NKAIN2: variants seen among roughly 807,000 people sequenced by gnomAD.
NKAIN2 encodes the protein sodium/potassium transporting ATPase interacting 2.
Under a neutral mutation model 32.6 loss-of-function variants are expected in NKAIN2, and 14 were observed. The observed-to-expected ratio is 0.43, with a 90% confidence interval of 0.28 to 0.67. The LOEUF (loss-of-function observed/expected upper bound fraction) is 0.67, where lower values mean the gene tolerates loss of function less well. Among genes scored for constraint, NKAIN2 ranks in the 30% least tolerant of loss-of-function variants. The pLI, the probability that NKAIN2 is intolerant of heterozygous loss-of-function variation, is 0.17. For missense variants in NKAIN2, 198 were observed against 258.3 expected, an observed-to-expected ratio of 0.77 and a Z score of 1.60; for synonymous variants, 80 against 87.2, an observed-to-expected ratio of 0.92 and a Z score of 0.46.
chr6:124,649,196 G>T (rs1265327201), intron 3 of NKAIN2, among the ~76,000 whole-genome samples: 1 of 151,986 alleles, frequency 6.6e-6, no homozygotes, highest in South Asian at 2.1e-4. Flanking sequence ...ACTATAAACT[G>T]CTTATTTGAA....
At chr6:124,625,179 CAAAG>C (rs35334085) in intron 3 of NKAIN2, among the ~76,000 whole-genome samples, 109,843 of 151,514 alleles carry the variant, frequency 0.72, 40,063 homozygotes, top group East Asian at 0.85. Flanking sequence ...CAATAATTAT[CAAAG>C]AAAGAATATG....
intron 1 of NKAIN2, among the ~76,000 whole-genome samples, chr6:124,049,401 T>C (rs1441865539): frequency 1.3e-5 from 2 of 151,952 alleles, no homozygotes; most frequent in Non-Finnish European, 2.9e-5. Context: ...ATCATCCAGA[T>C]CTCTTCCAGA....
chr6:124,759,651 ACACACCCC>A (rs1778158580), intron 4 of NKAIN2, among the ~76,000 whole-genome samples: 1 of 72,088 alleles, frequency 1.4e-5, no homozygotes, highest in Admixed American at 1.3e-4. Flanking sequence ...ACACACACAC[ACACACCCC>A]CTATCTCCCT....
At chr6:124,708,657 A>G (rs1261890801) in intron 4 of NKAIN2, among the ~76,000 whole-genome samples, 3 of 151,886 alleles carry the variant, frequency 2.0e-5, no homozygotes, top group Non-Finnish European at 4.4e-5. Flanking sequence ...GTTGGTGTAT[A>G]AGAATGCTTG....
intron 1 of NKAIN2, among the ~76,000 whole-genome samples, chr6:123,982,230 T>C (rs146034953): frequency 5.3e-5 from 8 of 152,176 alleles, no homozygotes; most frequent in Non-Finnish European, 1.2e-4. Flanking sequence ...ATTCTAGGGA[T>C]TTCTTGACAG....
chr6:124,197,281 C>G (rs76380693), intron 1 of NKAIN2, among the ~76,000 whole-genome samples: 1 of 146,124 alleles, frequency 6.8e-6, no homozygotes, highest in Admixed American at 6.8e-5. Flanking sequence ...CTTTTTTTTT[C>G]TCTTCCTTCT....
At position 124,453,357 on chromosome 6, in the gene NKAIN2, A is replaced by ACACACG. The variant is rs1554210281; in HGVS notation, c.273+98015_273+98016insGCACAC. ...CACACACACACACACACACACACAC[A>ACACACG]CACACACACACAGTTCTGAGGTCAA... On this transcript the variant is annotated intron_variant, in intron 3 of 6. Transcript: ENST00000368417. Among the ~76,000 whole-genome samples, 6 of 147,838 alleles carry ACACACG rather than the reference A, an allele frequency of 4.1e-5. No individual in the cohort carries two copies. The South Asian group carries it at 8.6e-4, about 21-fold the overall frequency.
intron 3 of NKAIN2, among the ~76,000 whole-genome samples, chr6:124,409,437 A>G (rs1009301773): frequency 6.6e-6 from 1 of 152,176 alleles, no homozygotes; most frequent in Non-Finnish European, 1.5e-5. Flanking sequence ...CCTTTTCTGC[A>G]TCTATTGAGA....
At chr6:124,814,678 T>C in intron 5 of NKAIN2, among the ~76,000 whole-genome samples, 1 of 152,046 alleles carries the variant, frequency 6.6e-6, no homozygotes, top group East Asian at 1.9e-4. Context: ...GACACCCTCA[T>C]TTCCCTCCTG....
intron 1 of NKAIN2, among the ~76,000 whole-genome samples, chr6:124,165,379 TATGA>T (rs1311041078): frequency 6.6e-6 from 1 of 152,040 alleles, no homozygotes; most frequent in Non-Finnish European, 1.5e-5. Context: ...AGTGAGAAAA[TATGA>T]ATGAATGTAA....
chr6:124,191,065 G>C (rs541373485), intron 1 of NKAIN2, among the ~76,000 whole-genome samples: 1 of 152,158 alleles, frequency 6.6e-6, no homozygotes, highest in Non-Finnish European at 1.5e-5. Flanking sequence ...GCTTGCTGTT[G>C]TACATTCTAT....
intron 3 of NKAIN2, among the ~76,000 whole-genome samples, chr6:124,536,460 T>A (rs999681820): frequency 6.6e-6 from 1 of 152,110 alleles, no homozygotes; most frequent in Non-Finnish European, 1.5e-5. Context: ...ACAGATGTTC[T>A]AGGGGGTCTC....
intron 1 of NKAIN2, among the ~76,000 whole-genome samples, chr6:123,906,785 T>A (rs1407513019): frequency 6.6e-6 from 1 of 152,206 alleles, no homozygotes; most frequent in Non-Finnish European, 1.5e-5. Context: ...GTTAAAGTTG[T>A]CCATCAAACT....
At chr6:123,980,918 G>A (rs912829281) in intron 1 of NKAIN2, among the ~76,000 whole-genome samples, 5 of 150,022 alleles carry the variant, frequency 3.3e-5, no homozygotes, top group African/African-American at 4.9e-5. Flanking sequence ...TTGCCAGGCT[G>A]GAGTGCAGTG....
chr6:124,791,458 C>G, intron 5 of NKAIN2, 59 bp downstream of exon 5: 1 of 1,126,970 alleles, frequency 8.9e-7, no homozygotes, highest in Admixed American at 1.7e-5. Flanking sequence ...TTTACTGCCT[C>G]CTACTTAGCC....
chr6:124,200,268 TAAACTC>T (rs1790533039), intron 1 of NKAIN2, among the ~76,000 whole-genome samples: 1 of 152,134 alleles, frequency 6.6e-6, no homozygotes, highest in Non-Finnish European at 1.5e-5. Context: ...AGTCTTTCCT[TAAACTC>T]AGGAATATTT....
intron 1 of NKAIN2, among the ~76,000 whole-genome samples, chr6:123,822,167 T>G (rs1384956214): frequency 6.6e-6 from 1 of 152,156 alleles, no homozygotes; most frequent in Non-Finnish European, 1.5e-5. Flanking sequence ...GGTAAGTGAT[T>G]TACACAAATG....
chr6:124,369,625 G>T (rs1399106982), intron 3 of NKAIN2, among the ~76,000 whole-genome samples: 2 of 152,002 alleles, frequency 1.3e-5, no homozygotes, highest in East Asian at 3.9e-4. Flanking sequence ...CTTCCAGTGT[G>T]GCCCAGGGAA....
In NKAIN2 at chr6:124,652,460, A is replaced by C. The variant is rs980416098; in HGVS notation, c.274-5726A>C. 9.2e-5 allele frequency among the ~76,000 whole-genome samples: 14 copies of C among 152,268 alleles called. No individual in the cohort carries two copies. The East Asian group carries it at 2.3e-3, about 25-fold the overall frequency. The stretch of plus-strand genomic sequence containing the variant: ...TTCAAAACTGTTTCAGCCTCTACTC[A>C]TTACCTAGCTCTCAATCGTTTCCAC... On this transcript the variant is annotated intron_variant, in intron 3 of 6. Coordinates refer to ENST00000368417, the MANE Select transcript of NKAIN2 (RefSeq NM_001040214.3).
Sources: gnomAD v4.1 joint callset for allele counts (sites outside exome capture counted in the v4.1 genomes callset) on GRCh38, gnomAD v4.1.1 for gene constraint, MANE v1.5 for transcripts, NCBI Gene and HGNC (gene_info 2026-07-23, HGNC 2026-07-21) for gene names.